Variants in INPP5J observed in about 807,000 individuals in gnomAD.
The protein encoded by INPP5J is phosphatidylinositol 4,5-bisphosphate 5-phosphatase A.
A neutral mutation model predicts 86.6 loss-of-function variants in INPP5J; 75 were observed. The ratio of observed to expected loss-of-function variants is 0.87; its 90% CI spans 0.72 to 1.05. The LOEUF is 1.05. Ranked by LOEUF, INPP5J falls within the 50% of genes least tolerant of loss-of-function variation. The pLI, the probability that INPP5J is intolerant of heterozygous loss-of-function variation, is 0.00. For synonymous variants in INPP5J, 540 were observed against 550.0 expected (o/e 0.98, Z 0.25); for missense variants, 1,229 against 1,341.2 (o/e 0.92, Z 1.31).
chr22:31,125,755 C>T lies in INPP5J; in HGVS notation c.1016C>T (p.Pro339Leu). 6.4e-7 allele frequency: 1 copy of T among 1,551,162 alleles called. No homozygotes were observed. The highest frequency in any genetic ancestry group is 8.7e-7 in the Non-Finnish European group (1 of 1,146,540). ...GCCCCCTCAGGCCAGACTGTGCCCC[C>T]ACCTCTGCCCAAGCCACCCCGATCA... Reference protein sequence around the residue: ...PGAPSGQTVPPPLPKPPRSPS... With the variant: ...PGAPSGQTVPLPLPKPPRSPS... The change falls in exon 2 of 13, where the codon CCA becomes CTA. Residue 339 changes from proline (P) to leucine (L), a missense_variant. Coordinates refer to ENST00000331075, the MANE Select transcript of INPP5J (RefSeq NM_001284285.2).
At chr22:31,131,599 C>T (rs1312719820) in intron 9 of INPP5J, among the ~76,000 whole-genome samples, 3 of 152,012 alleles carry the variant, frequency 2.0e-5, no homozygotes, top group African/African-American at 7.3e-5. Context: ...GTACCTACTA[C>T]ATGCCAGGCC....
intron 2 of INPP5J, 165 bp downstream of exon 2, chr22:31,126,175 T>G: frequency 1.2e-6 from 1 of 823,424 alleles, no homozygotes; most frequent in East Asian, 2.7e-5. Context: ...TAGCATCCCC[T>G]CCTAAGGAAC....
At position 31,127,151 on chromosome 22, in the gene INPP5J, G is replaced by A. The variant is rs1426595550; in HGVS notation, c.1611+114G>A. Reference sequence around the variant, plus strand: ...CCCATCCTCCACCCTTTACCCTGCGGCCCAGCCCCCCCATGCACCACCCAA... The same window carrying A: ...CCCATCCTCCACCCTTTACCCTGCGACCCAGCCCCCCCATGCACCACCCAA... On this transcript the variant is annotated intron_variant, in intron 5 of 12. Transcript: ENST00000331075. 5 of 865,864 alleles carry A rather than the reference G, an allele frequency of 5.8e-6. No homozygotes were observed. In the Admixed American group the frequency reaches 1.1e-4, roughly 18 times the overall value. 53.6% of individuals were successfully genotyped at this position (865,864 alleles called of 1,614,324 possible).
intron 5 of INPP5J, 35 bp from the exon 6 acceptor site, chr22:31,127,322 C>A (rs1167681243): frequency 2.9e-5 from 45 of 1,566,812 alleles, no homozygotes; most frequent in Admixed American, 3.6e-5. Context: ...CTGGCCTAAG[C>A]CCCGCCCATG....
chr22:31,124,729 T>C lies in INPP5J; in HGVS notation c.106-116T>C, dbSNP rs1921184612. On this transcript the variant is annotated intron_variant, in intron 1 of 12. Transcript: ENST00000331075. ...ATTGAAGTGAGATAGTAGGAAGAAC[T>C]TCCTTGGAAAGATGTGCCTTTCTTA... is the stretch of plus-strand genomic sequence containing the variant. The C allele has an allele frequency of 5.6e-6, 5 of 889,444 alleles. 1 individual carries two copies. In the Admixed American group the frequency reaches 1.4e-4, roughly 25 times the overall value. 55.1% of individuals were successfully genotyped at this position (889,444 alleles called of 1,614,324 possible).
intron 9 of INPP5J, among the ~76,000 whole-genome samples, chr22:31,132,566 G>A (rs761440807): frequency 5.3e-5 from 8 of 151,868 alleles, no homozygotes; most frequent in Admixed American, 2.6e-4. Flanking sequence ...ATGGTGAAAC[G>A]CTGCCTCTAC....
At chr22:31,126,811 C>A in intron 4 of INPP5J, 90 bp downstream of exon 4, 2 of 1,434,752 alleles carry the variant, frequency 1.4e-6, no homozygotes, top group East Asian at 2.3e-5. Context: ...GCCCGCTGGG[C>A]CTCTGTGGCT....
chr22:31,134,045 C>T lies in INPP5J; in HGVS notation c.2647C>T (p.Arg883Ter), dbSNP rs750558234. Residue 883 changes from arginine (R) to a stop codon, truncating the protein, a stop_gained, in exon 13 of 13, where the codon CGA (arginine) becomes TGA (stop). Transcript: ENST00000331075. LOFTEE classifies it high-confidence loss of function. ...CAGCCCCAGTCCTGGCAAGTCCAAG[C>T]GACACCGCAGCCGCAGCCCGGGACT... ...SRSPSPGKSK[R>*]HRSRSPGLAR... is the part of the protein sequence containing the mutation. 1.0e-5 allele frequency: 16 copies of T among 1,597,370 alleles called. No individual in the cohort carries two copies. The highest frequency in any genetic ancestry group is 6.9e-5 in the Admixed American group (4 of 57,576).
In INPP5J at chr22:31,126,680, G is replaced by A. The variant is rs867173770; in HGVS notation, c.1453G>A (p.Glu485Lys). 1 of 1,613,956 alleles carries A rather than the reference G, an allele frequency of 6.2e-7. No individual in the cohort carries two copies. The highest frequency in any genetic ancestry group is 1.3e-5 in the African/African-American group (1 of 75,056). ...KDALFTDQWSELFMDALGPFN... is the reference protein window; with the variant it reads ...KDALFTDQWSKLFMDALGPFN... ...CGCCCTCTTCACGGACCAGTGGAGT[G>A]AGCTGTTCATGGATGCGCTAGGGCC... Residue 485 changes from glutamate to lysine, a missense_variant, in exon 4 of 13, where the codon GAG becomes AAG. By Grantham distance (56) the Glu-to-Lys change is moderately conservative (BLOSUM62 1). Coordinates refer to ENST00000331075, the MANE Select transcript of INPP5J (RefSeq NM_001284285.2).
Position 31,124,898 on chromosome 22 carries a change from G to A in INPP5J, c.159G>A (p.Ser53=), listed in dbSNP as rs141471829. The part of the protein sequence containing the change: ...PAKKNAALGP[S]EPRLALAPVG... ...AGAAGAACGCAGCCCTAGGACCCTC[G>A]GAACCAAGGTTGGCTCTGGCACCTG... The change falls in exon 2 of 13, where the codon TCG becomes TCA. Residue 53 remains serine (S), a synonymous_variant. Coordinates refer to ENST00000331075, the MANE Select transcript of INPP5J (RefSeq NM_001284285.2). 651 of 1,613,842 alleles carry A rather than the reference G, an allele frequency of 4.0e-4. 5 individuals carry two copies. The East Asian group carries it at 0.012, about 30-fold the overall frequency.
rs1695455241 is a variant in INPP5J at position 31,125,002 on chromosome 22, C to A, written c.263C>A (p.Pro88Gln). The A allele has an allele frequency of 6.4e-7, 1 of 1,573,752 alleles. No individual in the cohort carries two copies. The highest frequency in any genetic ancestry group is 1.2e-5 in the South Asian group (1 of 86,610). The change falls in exon 2 of 13, where the codon CCA becomes CAA. Residue 88 changes from proline (P) to glutamine (Q), a missense_variant. Pro to Gln is a moderately conservative substitution (Grantham distance 76). Transcript: ENST00000331075. Reference protein sequence around the residue: ...ALASPRPILAPLCTPEGQKTA... With the variant: ...ALASPRPILAQLCTPEGQKTA... Reference sequence around the variant, plus strand: ...GCATCTCCCCGACCAATCCTGGCTCCACTGTGTACCCCTGAAGGGCAGAAA... The same window carrying A: ...GCATCTCCCCGACCAATCCTGGCTCAACTGTGTACCCCTGAAGGGCAGAAA...
chr22:31,128,158 C>A, intron 7 of INPP5J, 56 bp from the exon 8 acceptor site: 1 of 1,451,044 alleles, frequency 6.9e-7, no homozygotes, highest in Non-Finnish European at 9.5e-7. Context: ...CACCCCCTCC[C>A]TGGGCACAGC....
intron 9 of INPP5J, among the ~76,000 whole-genome samples, chr22:31,129,158 C>T (rs1444110542): frequency 6.6e-6 from 1 of 151,066 alleles, no homozygotes; most frequent in African/African-American, 2.4e-5. Context: ...TCTTGAACTC[C>T]TGACCTCCTG....
At chr22:31,132,364 C>T (rs546157627) in intron 9 of INPP5J, among the ~76,000 whole-genome samples, 114 of 152,290 alleles carry the variant, frequency 7.5e-4, no homozygotes, top group African/African-American at 2.2e-3. Context: ...TGAGCACTTA[C>T]TGGTATACTG....
chr22:31,125,573 C>A lies in INPP5J; in HGVS notation c.834C>A (p.Ser278=). 1 of 1,550,554 alleles carries A rather than the reference C, an allele frequency of 6.4e-7. No individual in the cohort carries two copies. The highest frequency in any genetic ancestry group is 8.7e-7 in the Non-Finnish European group (1 of 1,146,984). ...CIQTSPDPRL[S]PSFRARPEAL... ...AAACCTCCCCAGACCCTCGGCTCTC[C>A]CCCTCCTTCCGAGCCCGGCCTGAGG... Residue 278 remains serine (S), a synonymous_variant, in exon 2 of 13, where the codon TCC becomes TCA. Transcript: ENST00000331075.
At chr22:31,123,389 G>T (rs992473430) in intron 1 of INPP5J, among the ~76,000 whole-genome samples, 1 of 152,190 alleles carries the variant, frequency 6.6e-6, no homozygotes, top group Non-Finnish European at 1.5e-5. Flanking sequence ...CACCTTTGCT[G>T]TGTGACCTTG....
At chr22:31,130,575 A>G (rs777466649) in intron 9 of INPP5J, among the ~76,000 whole-genome samples, 1 of 152,158 alleles carries the variant, frequency 6.6e-6, no homozygotes, top group Non-Finnish European at 1.5e-5. Flanking sequence ...TAAAAATAAC[A>G]AAGAAAAGAT....
At chr22:31,128,702 C>T (rs781249462) in intron 9 of INPP5J, 48 bp downstream of exon 9, 4 of 1,468,162 alleles carry the variant, frequency 2.7e-6, no homozygotes, top group Middle Eastern at 2.0e-4. Context: ...AGGCCCAACT[C>T]GGCATACCAC....
chr22:31,130,775 A>C (rs1177132830), intron 9 of INPP5J, among the ~76,000 whole-genome samples: 1 of 152,198 alleles, frequency 6.6e-6, no homozygotes, highest in Non-Finnish European at 1.5e-5. Flanking sequence ...AGTAGTTACT[A>C]TAATTTATAT....
Sources: allele counts gnomAD v4.1 joint callset (sites outside exome capture counted in the v4.1 genomes callset), GRCh38; gene constraint gnomAD v4.1.1; transcripts MANE v1.5; gene names NCBI Gene and HGNC (gene_info 2026-07-23, HGNC 2026-07-21).